CTNNA3: variants seen among roughly 807,000 people sequenced by gnomAD.
CTNNA3 encodes the protein catenin alpha 3.
In CTNNA3, 76 loss-of-function variants were observed where a neutral mutation model predicts 95.7. That is an observed-to-expected ratio of 0.79 (90% confidence interval 0.66 to 0.96). The LOEUF is 0.96. CTNNA3 is among the 40% of genes least tolerant of loss of function. The pLI, the probability that CTNNA3 is intolerant of heterozygous loss-of-function variation, is 0.00. For synonymous variants in CTNNA3, 431 were observed against 374.4 expected, an observed-to-expected ratio of 1.15 and a Z score of -1.74; for missense variants, 1,191 against 1,089.8, an observed-to-expected ratio of 1.09 and a Z score of -1.31.
intron 11 of CTNNA3, among the ~76,000 whole-genome samples, chr10:66,386,474 T>C (rs12020982): frequency 2.0e-5 from 3 of 152,158 alleles, no homozygotes; most frequent in Admixed American, 1.3e-4. Flanking sequence ...GAACATTCCA[T>C]GCTCATGGAT....
intron 11 of CTNNA3, among the ~76,000 whole-genome samples, chr10:66,410,834 T>C (rs1397789371): frequency 6.6e-6 from 1 of 152,160 alleles, no homozygotes; most frequent in Non-Finnish European, 1.5e-5. Context: ...CTCTTTCTCA[T>C]CCTGGTGTTG....
intron 3 of CTNNA3, among the ~76,000 whole-genome samples, chr10:67,548,299 C>T (rs542718608): frequency 1.8e-4 from 27 of 152,304 alleles, no homozygotes; most frequent in Non-Finnish European, 3.4e-4. Context: ...TGGTGCTATG[C>T]TCCATGTACA....
rs151007053 is a variant in CTNNA3 at position 66,757,604 on chromosome 10, C to G, written c.1281+8660G>C. Among the ~76,000 whole-genome samples the G allele has an allele frequency of 4.7e-3, 712 of 152,246 alleles. 4 individuals carry two copies. Among genetic ancestry groups the G allele is most frequent in the African/African-American group, 0.017 (693 of 41,526 alleles). On this transcript the variant is annotated intron_variant, in intron 9 of 17. Coordinates refer to ENST00000433211, the MANE Select transcript of CTNNA3 (RefSeq NM_013266.4). ...GTGTGGGCTTCCCAGCTCTCTGCTT[C>G]TCTAATTAAGGAAGGTGGAATAAGA...
intron 13 of CTNNA3, among the ~76,000 whole-genome samples, chr10:66,246,847 T>G (rs561950423): frequency 2.0e-5 from 3 of 151,752 alleles, no homozygotes; most frequent in South Asian, 4.2e-4. Flanking sequence ...GGTCAAGAGA[T>G]CAAGACCATC....
At chr10:66,799,079 CT>C (rs1173118914) in intron 7 of CTNNA3, among the ~76,000 whole-genome samples, 1 of 151,634 alleles carries the variant, frequency 6.6e-6, no homozygotes, top group East Asian at 1.9e-4. Context: ...CTAACCCAAG[CT>C]TTGACAGAAT....
intron 7 of CTNNA3, among the ~76,000 whole-genome samples, chr10:67,122,241 T>C (rs1417847817): frequency 1.3e-5 from 2 of 152,090 alleles, no homozygotes; most frequent in African/African-American, 4.8e-5. Context: ...TAAGAAAATG[T>C]ACATTATTCA....
intron 13 of CTNNA3, among the ~76,000 whole-genome samples, chr10:66,181,201 G>A (rs1021450909): frequency 1.3e-5 from 2 of 152,034 alleles, no homozygotes; most frequent in East Asian, 3.9e-4. Flanking sequence ...GAAAGTAACC[G>A]TTGTGTTAAC....
intron 5 of CTNNA3, among the ~76,000 whole-genome samples, chr10:67,389,457 A>T (rs1240995386): frequency 6.6e-6 from 1 of 151,368 alleles, no homozygotes; most frequent in African/African-American, 2.4e-5. Context: ...CACACATTAA[A>T]AATGGGAGAC....
intron 13 of CTNNA3, among the ~76,000 whole-genome samples, chr10:66,261,391 A>T (rs2132101562): frequency 6.6e-6 from 1 of 152,168 alleles, no homozygotes; most frequent in South Asian, 2.1e-4. Flanking sequence ...TTATATTCCT[A>T]TTCTTAGCCA....
At chr10:67,437,791 T>C (rs1846354011) in intron 5 of CTNNA3, among the ~76,000 whole-genome samples, 1 of 151,690 alleles carries the variant, frequency 6.6e-6, no homozygotes, top group South Asian at 2.1e-4. Context: ...GCTAACTTTC[T>C]GACTGGGTAT....
chr10:67,743,349 A>G (rs1331946672), intron 1 of CTNNA3, among the ~76,000 whole-genome samples: 3 of 151,332 alleles, frequency 2.0e-5, no homozygotes, highest in Admixed American at 6.6e-5. Context: ...GGTTCAACAT[A>G]CGCAAATCAA....
intron 2 of CTNNA3, among the ~76,000 whole-genome samples, chr10:67,631,419 G>A (rs896621511): frequency 6.6e-6 from 1 of 152,090 alleles, no homozygotes; most frequent in Non-Finnish European, 1.5e-5. Flanking sequence ...TGACATAATA[G>A]TATCTATGAC....
chr10:66,310,494 A>G (rs1380573425), intron 12 of CTNNA3, among the ~76,000 whole-genome samples: 1 of 152,170 alleles, frequency 6.6e-6, no homozygotes, highest in Non-Finnish European at 1.5e-5. Flanking sequence ...AAAACTGGGT[A>G]CATTCCATCA....
chr10:66,394,004 A>AATC (rs1319278809), intron 11 of CTNNA3, among the ~76,000 whole-genome samples: 2 of 152,076 alleles, frequency 1.3e-5, no homozygotes, highest in Non-Finnish European at 2.9e-5. Context: ...GGGAAGGGAA[A>AATC]ATCATAGGTT....
chr10:66,230,596 C>T (rs1349661641), intron 13 of CTNNA3, among the ~76,000 whole-genome samples: 1 of 152,128 alleles, frequency 6.6e-6, no homozygotes, highest in African/African-American at 2.4e-5. Flanking sequence ...CAGAGGTGCA[C>T]AGTCACGTTG....
At chr10:66,068,511 A>AT (rs1369202090) in intron 15 of CTNNA3, among the ~76,000 whole-genome samples, 1 of 152,182 alleles carries the variant, frequency 6.6e-6, no homozygotes, top group African/African-American at 2.4e-5. Flanking sequence ...ATTAACAGTT[A>AT]TTTCATTACT....
chr10:66,244,628 T>C (rs1471144191), intron 13 of CTNNA3, among the ~76,000 whole-genome samples: 2 of 152,148 alleles, frequency 1.3e-5, no homozygotes, highest in Non-Finnish European at 2.9e-5. Context: ...CTGGATCTTA[T>C]CCAAGACAAC....
chr10:67,505,171 T>C (rs1489607915), intron 5 of CTNNA3, among the ~76,000 whole-genome samples: 1 of 152,228 alleles, frequency 6.6e-6, no homozygotes, highest in East Asian at 1.9e-4. Context: ...GCCTTTGTCC[T>C]ACAAACATGA....
At chr10:67,721,562 C>CT in intron 1 of CTNNA3, among the ~76,000 whole-genome samples, 1 of 152,154 alleles carries the variant, frequency 6.6e-6, no homozygotes, top group South Asian at 2.1e-4. Context: ...TTCCTCTAAC[C>CT]TTTTTTCAAT....
Sources: gnomAD v4.1 joint callset for allele counts (sites outside exome capture counted in the v4.1 genomes callset) on GRCh38, gnomAD v4.1.1 for gene constraint, MANE v1.5 for transcripts, NCBI Gene and HGNC (gene_info 2026-07-23, HGNC 2026-07-21) for gene names.